AHSA1: variants seen among roughly 807,000 people sequenced by gnomAD.
AHSA1 encodes activator of 90 kDa heat shock protein ATPase homolog 1.
AHSA1 carries 14 observed loss-of-function variants against 46.1 expected under a neutral mutation model. The observed-to-expected ratio is 0.30, with a 90% CI of 0.20 to 0.47. AHSA1 has a LOEUF of 0.47. Ranked by LOEUF, AHSA1 falls within the 20% of genes least tolerant of loss-of-function variation. AHSA1 has a pLI of 0.99. For synonymous variants in AHSA1, 147 were observed against 145.8 expected (o/e 1.01, Z -0.06); for missense variants, 333 against 415.9 (o/e 0.80, Z 1.73).
intron 2 of AHSA1, among the ~76,000 whole-genome samples, chr14:77,460,799 C>CT (rs895786940): frequency 3.9e-4 from 55 of 141,872 alleles, no homozygotes; most frequent in East Asian, 6.1e-4. Context: ...CTGGCCGACG[C>CT]TTTTTTTTTT....
chr14:77,464,112 C>T (rs1324733771), intron 4 of AHSA1, among the ~76,000 whole-genome samples: 4 of 152,224 alleles, frequency 2.6e-5, no homozygotes, highest in African/African-American at 9.7e-5. Flanking sequence ...GGTGCAGTGG[C>T]TCACACCTGT....
chr14:77,463,597 A>C (rs2079035352), intron 4 of AHSA1, among the ~76,000 whole-genome samples: 1 of 56,084 alleles, frequency 1.8e-5, no homozygotes, highest in Non-Finnish European at 6.2e-5. Context: ...AAAAAAAAAA[A>C]AACAAAAAAA....
chr14:77,462,328 G>A (rs1426081629), intron 3 of AHSA1, 86 bp downstream of exon 3: 1 of 1,349,364 alleles, frequency 7.4e-7, no homozygotes, highest in Non-Finnish European at 1.0e-6. Context: ...AGGATTCATA[G>A]CCCAGGCTTG....
chr14:77,463,120 A>C, intron 4 of AHSA1: 1 of 211,980 alleles, frequency 4.7e-6, no homozygotes, highest in Non-Finnish European at 9.8e-6. Context: ...TCTCTACAAA[A>C]AATACAAAAA....
At chr14:77,468,424 T>TA (rs759431690) in intron 7 of AHSA1, 33 bp from the exon 8 acceptor site, 2 of 1,589,620 alleles carry the variant, frequency 1.3e-6, no homozygotes, top group African/African-American at 2.7e-5. Context: ...CATTGTAGTA[T>TA]ATAATATAGA....
chr14:77,460,875 A>G (rs900281240), intron 2 of AHSA1, among the ~76,000 whole-genome samples: 1 of 152,172 alleles, frequency 6.6e-6, no homozygotes, highest in South Asian at 2.1e-4. Context: ...ATAGATAAAT[A>G]TAGGCCGGGC....
At position 77,465,661 on chromosome 14, in the gene AHSA1, C is replaced by A; in HGVS notation, c.684C>A (p.Thr228=). 2 of 1,613,350 alleles carry A rather than the reference C, an allele frequency of 1.2e-6. No homozygotes were observed. The highest frequency in any genetic ancestry group is 1.7e-6 in the Non-Finnish European group (2 of 1,179,428). ...SPEELYRVFT[T]QELVQAFTHA... ...AGGAGCTCTATAGAGTGTTTACCACCCAAGAGGTAAGTAAGTCTTGTCCTT... is the reference window on the plus strand; with the variant it reads ...AGGAGCTCTATAGAGTGTTTACCACACAAGAGGTAAGTAAGTCTTGTCCTT... Residue 228 remains threonine, a synonymous_variant, in exon 6 of 9, where the codon ACC becomes ACA. Transcript: ENST00000216479.
At chr14:77,459,187 C>G (rs2079007753) in intron 1 of AHSA1, among the ~76,000 whole-genome samples, 1 of 152,144 alleles carries the variant, frequency 6.6e-6, no homozygotes, top group Non-Finnish European at 1.5e-5. Context: ...TCTGATAGGT[C>G]AGAACACCGT....
intron 6 of AHSA1, 62 bp downstream of exon 6, chr14:77,465,729 G>A (rs988891804): frequency 6.4e-7 from 1 of 1,572,200 alleles, no homozygotes; most frequent in East Asian, 2.2e-5. Flanking sequence ...TTGAGTTGGG[G>A]GCATATCCCT....
At chr14:77,458,672 C>T (rs1444062420) in intron 1 of AHSA1, among the ~76,000 whole-genome samples, 1 of 152,204 alleles carries the variant, frequency 6.6e-6, no homozygotes, top group African/African-American at 2.4e-5. Context: ...TATTTTGCGG[C>T]CTGCGGTAAA....
At chr14:77,461,133 T>G (rs1480068045) in intron 2 of AHSA1, among the ~76,000 whole-genome samples, 4 of 152,040 alleles carry the variant, frequency 2.6e-5, no homozygotes, top group African/African-American at 9.7e-5. Flanking sequence ...CACTCCAGCC[T>G]GGGCAACAGA....
chr14:77,457,868 T>C, upstream of AHSA1: 1 of 479,008 alleles, frequency 2.1e-6, no homozygotes, highest in Non-Finnish European at 3.7e-6. Flanking sequence ...CAATGAGACG[T>C]GTTCTTTGTT....
intron 1 of AHSA1, 118 bp downstream of exon 1, chr14:77,458,387 G>T: frequency 1.9e-6 from 2 of 1,057,620 alleles, no homozygotes. Flanking sequence ...CCGGAGATGG[G>T]GGTGGGTCCT....
At position 77,469,277 on chromosome 14, in the gene AHSA1, T is replaced by C. The variant is rs2079063432; in HGVS notation, c.*28T>C. Reference sequence around the variant, plus strand: ...CCAGCGGCAGGGGACTCCAGCCTGCTGGACACTTCAGTCCAGCTCTCTCCT... The same window carrying C: ...CCAGCGGCAGGGGACTCCAGCCTGCCGGACACTTCAGTCCAGCTCTCTCCT... On this transcript the variant is annotated 3_prime_UTR_variant, in exon 9 of 9. Transcript: ENST00000216479. The C allele has an allele frequency of 6.2e-7, 1 of 1,610,660 alleles. No individual in the cohort carries two copies.
chr14:77,463,595 AAAAAC>A (rs200892123), intron 4 of AHSA1, among the ~76,000 whole-genome samples: 49,444 of 135,250 alleles, frequency 0.37, 10,307 homozygotes, highest in East Asian at 0.85. Flanking sequence ...CAAAAAAAAA[AAAAAC>A]AAAAAAAAAA....
At chr14:77,466,819 G>A (rs79229447) in intron 6 of AHSA1, among the ~76,000 whole-genome samples, 8,661 of 152,300 alleles carry the variant, frequency 0.057, 431 homozygotes, top group Admixed American at 0.16. Context: ...TCTACTTGGT[G>A]CCTGCTGCCT....
upstream of AHSA1, chr14:77,458,086 C>A (rs916446612): frequency 1.9e-6 from 2 of 1,030,684 alleles, no homozygotes; most frequent in Non-Finnish European, 2.7e-6. Flanking sequence ...TGCTTGCGGC[C>A]GCTTCTAGTA....
intron 6 of AHSA1, 27 bp from the exon 7 acceptor site, chr14:77,468,056 T>G (rs780029826): frequency 1.7e-6 from 2 of 1,159,506 alleles, no homozygotes; most frequent in Non-Finnish European, 2.3e-6. Context: ...TGCCTCTTTT[T>G]TTTTTTTTTT....
chr14:77,465,784 C>A, intron 6 of AHSA1, 117 bp downstream of exon 6: 1 of 1,038,186 alleles, frequency 9.6e-7, no homozygotes, highest in Non-Finnish European at 1.3e-6. Context: ...CAACTGGAGC[C>A]ATGAGGCCTT....
Sources: gnomAD v4.1 joint callset for allele counts (sites outside exome capture counted in the v4.1 genomes callset) on GRCh38, gnomAD v4.1.1 for gene constraint, MANE v1.5 for transcripts, NCBI Gene and HGNC (gene_info 2026-07-23, HGNC 2026-07-21) for gene names.